Variants in ATP9B observed in about 807,000 individuals in gnomAD.
ATP9B encodes probable phospholipid-transporting ATPase IIB.
A neutral mutation model predicts 146.1 loss-of-function variants in ATP9B; 110 were observed. The ratio of observed to expected loss-of-function variants is 0.75; its 90% CI spans 0.65 to 0.88. ATP9B has a LOEUF of 0.88. ATP9B is among the 40% of genes least tolerant of loss of function. ATP9B has a pLI of 0.00. For synonymous variants in ATP9B, 604 were observed against 569.7 expected, an observed-to-expected ratio of 1.06 and a Z score of -0.86; for missense variants, 1,499 against 1,496.4, an observed-to-expected ratio of 1.00 and a Z score of -0.03.
chr18:79,200,207 TAGG>T (rs2095455484), intron 9 of ATP9B, among the ~76,000 whole-genome samples: 1 of 152,156 alleles, frequency 6.6e-6, no homozygotes, highest in African/African-American at 2.4e-5. Context: ...GACCATGTGG[TAGG>T]AATGCTTCAT....
chr18:79,155,213 A>G lies in ATP9B; in HGVS notation c.778+658A>G, dbSNP rs367788239. 7.9e-5 allele frequency among the ~76,000 whole-genome samples: 12 copies of G among 152,364 alleles called. No individual in the cohort carries two copies. In the South Asian group the frequency reaches 1.9e-3, roughly 24 times the overall value. On this transcript the variant is annotated intron_variant, in intron 7 of 29. Coordinates refer to ENST00000426216, the MANE Select transcript of ATP9B (RefSeq NM_198531.5). The stretch of plus-strand genomic sequence containing the variant: ...GGTGGAAGTGCATACATTGACAGCA[A>G]TAATCCTAACTGTATAGGTACTGTA...
Position 79,270,583 on chromosome 18 carries a change from T to A in ATP9B, c.1269-6471T>A, listed in dbSNP as rs373655015. The stretch of plus-strand genomic sequence containing the variant: ...TACTTCCTAGTATTTGATCATTTAA[T>A]CTGTACCTGCAAACCCTAATTTTAT... On this transcript the variant is annotated intron_variant, in intron 12 of 29. Coordinates refer to ENST00000426216, the MANE Select transcript of ATP9B (RefSeq NM_198531.5). Among the ~76,000 whole-genome samples, 364 of 152,330 alleles carry A rather than the reference T, an allele frequency of 2.4e-3. 2 individuals carry two copies. Among genetic ancestry groups the A allele is most frequent in the South Asian group, 6.4e-3 (31 of 4,830 alleles).
rs1409676171 is a variant in ATP9B at position 79,113,348 on chromosome 18, TCCTCTGGTAA to T, written c.553_558+4del. 1.3e-6 allele frequency: 2 copies of T among 1,528,248 alleles called. No homozygotes were observed. The highest frequency in any genetic ancestry group is 2.8e-5 in the African/African-American group (2 of 72,548). The allele number at this position is 1,528,248 out of a possible 1,614,324, so 94.7% of individuals were successfully genotyped here. ...TAGGCTATCTCTACACCTACTGGGC[TCCTCTGGTAA>T]GAAAAGACTTTAAAAATTAAGTTAA... On this transcript the variant is annotated splice_donor_variant and splice_donor_region_variant and coding_sequence_variant and intron_variant, in exon 4 of 30. Coordinates refer to ENST00000426216, the MANE Select transcript of ATP9B (RefSeq NM_198531.5). LOFTEE classifies it high-confidence loss of function.
chr18:79,368,434 T>C (rs2147952807), intron 26 of ATP9B, among the ~76,000 whole-genome samples: 1 of 152,250 alleles, frequency 6.6e-6, no homozygotes, highest in Middle Eastern at 3.4e-3. Flanking sequence ...GTCTTATCCT[T>C]CAAAGTGTGG....
chr18:79,270,332 G>T (rs2096242968), intron 12 of ATP9B, among the ~76,000 whole-genome samples: 1 of 151,898 alleles, frequency 6.6e-6, no homozygotes, highest in Admixed American at 6.6e-5. Context: ...GTGTGTGTGT[G>T]TACACTGTGT....
chr18:79,112,260 G>T (rs913204232), intron 3 of ATP9B, among the ~76,000 whole-genome samples: 1 of 152,160 alleles, frequency 6.6e-6, no homozygotes, highest in Non-Finnish European at 1.5e-5. Context: ...ATTGTGATTT[G>T]TAAGTTGCAG....
chr18:79,358,830 T>A (rs1322275526), intron 25 of ATP9B, among the ~76,000 whole-genome samples: 1 of 121,290 alleles, frequency 8.2e-6, no homozygotes, highest in Admixed American at 8.1e-5. Context: ...TGAGGGGTGC[T>A]CTGGGTCTGG....
chr18:79,342,419 C>A, intron 20 of ATP9B, 53 bp downstream of exon 20: 1 of 1,252,848 alleles, frequency 8.0e-7, no homozygotes, highest in Non-Finnish European at 1.2e-6. Flanking sequence ...CTCACACAAA[C>A]GAAGCCTATT....
chr18:79,290,103 G>A (rs1599660575), intron 13 of ATP9B, among the ~76,000 whole-genome samples: 1 of 152,164 alleles, frequency 6.6e-6, no homozygotes, highest in Admixed American at 6.5e-5. Flanking sequence ...CCCGTTCTCA[G>A]ATCTCCAGCT....
chr18:79,300,179 G>T (rs1208240136), intron 13 of ATP9B, among the ~76,000 whole-genome samples: 3 of 152,216 alleles, frequency 2.0e-5, no homozygotes, highest in Non-Finnish European at 4.4e-5. Flanking sequence ...TTCAGGAGGG[G>T]GGCACTCCAT....
chr18:79,170,324 A>G (rs1373718627), intron 7 of ATP9B, among the ~76,000 whole-genome samples: 3 of 152,194 alleles, frequency 2.0e-5, no homozygotes, highest in Non-Finnish European at 4.4e-5. Context: ...CTCTCCTAGA[A>G]TGGCAGTGGG....
At chr18:79,224,234 A>G (rs1240425747) in intron 11 of ATP9B, among the ~76,000 whole-genome samples, 1 of 152,220 alleles carries the variant, frequency 6.6e-6, no homozygotes, top group Non-Finnish European at 1.5e-5. Context: ...CCCCTGTGCC[A>G]TAAAAGCTGT....
chr18:79,253,756 T>G, intron 12 of ATP9B: 1 of 436,082 alleles, frequency 2.3e-6, no homozygotes, highest in Non-Finnish European at 4.0e-6. Context: ...CATACTTTCC[T>G]GATAGTGAAT....
At chr18:79,176,977 G>T (rs913098960) in intron 8 of ATP9B, 70 bp downstream of exon 8, 66 of 1,266,898 alleles carry the variant, frequency 5.2e-5, no homozygotes, top group Admixed American at 1.3e-4. Context: ...GTATATTTCT[G>T]TTTATACCAG....
At chr18:79,254,046 C>G (rs1016727484) in intron 12 of ATP9B, 7 of 151,928 alleles carry the variant, frequency 4.6e-5, no homozygotes, top group African/African-American at 1.7e-4. Flanking sequence ...ATATTAGATG[C>G]CTATTTAATG....
chr18:79,376,696 C>CTTT (rs35556122), intron 29 of ATP9B, among the ~76,000 whole-genome samples: 4 of 129,294 alleles, frequency 3.1e-5, no homozygotes, highest in African/African-American at 5.7e-5. Flanking sequence ...GGCCTACAAC[C>CTTT]TTTTTTTTTT....
In ATP9B at chr18:79,166,343, C is replaced by T. The variant is rs112617641; in HGVS notation, c.779-10470C>T. ...TCTCAGAAGCAGCTGCAATGGGACT[C>T]GGAGCAAATGTGAAAGGACTCCCTG... On this transcript the variant is annotated intron_variant, in intron 7 of 29. Coordinates refer to ENST00000426216, the MANE Select transcript of ATP9B (RefSeq NM_198531.5). Among the ~76,000 whole-genome samples, 218 of 152,202 alleles carry T rather than the reference C, an allele frequency of 1.4e-3. 1 individual carries two copies. The highest frequency in any genetic ancestry group is 6.8e-3 in the Middle Eastern group (2 of 294).
intron 12 of ATP9B, among the ~76,000 whole-genome samples, chr18:79,271,450 C>T (rs2096253762): frequency 6.7e-6 from 1 of 148,568 alleles, no homozygotes; most frequent in African/African-American, 2.5e-5. Context: ...CATGTGTTCT[C>T]ATTGTTCAGT....
At chr18:79,081,005 G>A (rs553396294) in intron 1 of ATP9B, among the ~76,000 whole-genome samples, 234 of 152,306 alleles carry the variant, frequency 1.5e-3, no homozygotes, top group Middle Eastern at 6.8e-3. Flanking sequence ...TTGATGTGCT[G>A]CTGGATTCGG....
Sources: gnomAD v4.1 joint callset for allele counts (sites outside exome capture counted in the v4.1 genomes callset) on GRCh38, gnomAD v4.1.1 for gene constraint, MANE v1.5 for transcripts, NCBI Gene and HGNC (gene_info 2026-07-23, HGNC 2026-07-21) for gene names.